Variants in RNF150 observed in about 807,000 individuals in gnomAD.
RNF150 encodes ring finger protein 150.
A neutral mutation model predicts 39.3 loss-of-function variants in RNF150; 24 were observed. That is an observed-to-expected ratio of 0.61 (90% CI 0.44 to 0.86). The LOEUF (loss-of-function observed/expected upper bound fraction) is 0.86. Ranked by LOEUF, RNF150 falls within the 40% of genes least tolerant of loss-of-function variation. The pLI, the probability that RNF150 is intolerant of heterozygous loss-of-function variation, is 0.00. For synonymous variants in RNF150, 255 were observed against 227.3 expected (o/e 1.12, Z -1.10); for missense variants, 502 against 587.8 (o/e 0.85, Z 1.51).
chr4:141,074,552 A>G (rs1737823946), intron 1 of RNF150, among the ~76,000 whole-genome samples: 1 of 152,144 alleles, frequency 6.6e-6, no homozygotes, highest in African/African-American at 2.4e-5. Flanking sequence ...TACCACCCCT[A>G]GAGGACTAGA....
At chr4:140,933,964 T>C (rs1731743353) in intron 4 of RNF150, among the ~76,000 whole-genome samples, 1 of 152,186 alleles carries the variant, frequency 6.6e-6, no homozygotes, top group African/African-American at 2.4e-5. Flanking sequence ...TCTGAAATGG[T>C]TGGGCCAATT....
chr4:140,884,870 C>T (rs1210590105), intron 6 of RNF150, among the ~76,000 whole-genome samples: 1 of 152,124 alleles, frequency 6.6e-6, no homozygotes, highest in Non-Finnish European at 1.5e-5. Flanking sequence ...TCTCCAATGG[C>T]ACCATGCTAT....
chr4:141,171,809 C>T (rs1727730678), intron 1 of RNF150, among the ~76,000 whole-genome samples: 1 of 152,146 alleles, frequency 6.6e-6, no homozygotes, highest in Admixed American at 6.6e-5. Flanking sequence ...TTCCTCCCTT[C>T]CCATATTTTG....
chr4:141,098,153 A>T (rs183702009), intron 1 of RNF150, among the ~76,000 whole-genome samples: 106 of 152,368 alleles, frequency 7.0e-4, no homozygotes, highest in Admixed American at 1.2e-3. Context: ...CTCCCAAAGA[A>T]TAATGTTCTA....
At chr4:141,168,648 C>T (rs932843721) in intron 1 of RNF150, among the ~76,000 whole-genome samples, 3 of 152,128 alleles carry the variant, frequency 2.0e-5, no homozygotes, top group Non-Finnish European at 4.4e-5. Context: ...TTTGCAGGTA[C>T]ATGGATGAGG....
rs553055558 is a variant in RNF150 at position 141,112,568 on chromosome 4, GT to G, written c.484+19756del. 5.9e-5 allele frequency among the ~76,000 whole-genome samples: 9 copies of G among 152,214 alleles called. No individual in the cohort carries two copies. In the East Asian group the frequency reaches 1.7e-3, roughly 29 times the overall value. ...GAATATTGGCCCCCACTCTCTTCTG[GT>G]TGTAGGGTTTCTGCAGAGAGAGCTG... On this transcript the variant is annotated intron_variant, in intron 1 of 6. Transcript: ENST00000515673.
chr4:141,157,766 G>A (rs1277954663), intron 1 of RNF150, among the ~76,000 whole-genome samples: 1 of 152,160 alleles, frequency 6.6e-6, no homozygotes, highest in African/African-American at 2.4e-5. Flanking sequence ...AAACAAGACT[G>A]CCACATATAG....
chr4:140,872,191 G>A (rs1728974182), intron 6 of RNF150, among the ~76,000 whole-genome samples: 1 of 152,172 alleles, frequency 6.6e-6, no homozygotes, highest in East Asian at 1.9e-4. Context: ...TATTTAGAAG[G>A]TTTTCTGTAG....
At chr4:141,205,726 T>C (rs9884463) in intron 1 of RNF150, among the ~76,000 whole-genome samples, 34,005 of 152,136 alleles carry the variant, frequency 0.22, 4,051 homozygotes, top group South Asian at 0.32. Flanking sequence ...CAGAATAATC[T>C]CTTAGTTTCT....
intron 1 of RNF150, among the ~76,000 whole-genome samples, chr4:141,120,526 G>A (rs1726572888): frequency 6.6e-6 from 1 of 152,176 alleles, no homozygotes; most frequent in Non-Finnish European, 1.5e-5. Context: ...AAAAAATAAT[G>A]AGTTGGTTAA....
intron 2 of RNF150, among the ~76,000 whole-genome samples, chr4:140,961,470 T>G (rs1733022547): frequency 1.3e-5 from 2 of 152,152 alleles, no homozygotes; most frequent in South Asian, 4.1e-4. Flanking sequence ...CATTTCAGGC[T>G]GTGAGCCTTC....
chr4:140,974,905 G>A lies in RNF150; in HGVS notation c.485-7032C>T, dbSNP rs368595953. 2.4e-4 allele frequency among the ~76,000 whole-genome samples: 37 copies of A among 152,170 alleles called. No individual in the cohort carries two copies. The South Asian group carries it at 7.7e-3, about 32-fold the overall frequency. On this transcript the variant is annotated intron_variant, in intron 1 of 6. Transcript: ENST00000515673. The stretch of plus-strand genomic sequence containing the variant: ...AACTGCATGGGTCCGCTAATACATG[G>A]ATTTTTTTCAATGATATAATTGGCC...
chr4:140,895,990 T>A (rs926809353), intron 6 of RNF150, among the ~76,000 whole-genome samples: 12 of 141,816 alleles, frequency 8.5e-5, no homozygotes, highest in African/African-American at 3.2e-4. Flanking sequence ...CTATGAGATA[T>A]CATCTCACAC....
chr4:140,916,800 A>G (rs1330337715), intron 5 of RNF150, among the ~76,000 whole-genome samples: 1 of 152,172 alleles, frequency 6.6e-6, no homozygotes, highest in African/African-American at 2.4e-5. Flanking sequence ...GAGAAAGGTC[A>G]GGTTACCCAC....
At chr4:141,201,680 C>T (rs1466392075) in intron 1 of RNF150, among the ~76,000 whole-genome samples, 1 of 152,172 alleles carries the variant, frequency 6.6e-6, no homozygotes, top group Non-Finnish European at 1.5e-5. Flanking sequence ...AGGGACTCCA[C>T]TTCACCAAGA....
chr4:141,174,553 C>G (rs140291858), intron 1 of RNF150, among the ~76,000 whole-genome samples: 138 of 152,236 alleles, frequency 9.1e-4, no homozygotes, highest in African/African-American at 3.2e-3. Flanking sequence ...GTTGACTTGG[C>G]AGAAGTAGTT....
intron 1 of RNF150, among the ~76,000 whole-genome samples, chr4:141,113,924 G>A (rs546655699): frequency 1.3e-5 from 2 of 151,510 alleles, no homozygotes; most frequent in Non-Finnish European, 1.5e-5. Context: ...TGACTACTGG[G>A]TAAATAGGCA....
In RNF150 at chr4:141,006,762, A is replaced by C. The variant is rs55817741; in HGVS notation, c.485-38889T>G. On this transcript the variant is annotated intron_variant, in intron 1 of 6. Transcript: ENST00000515673. ...ATATTAAGAACTGTTTTGGATATTAACAGATCTCTTTTTATCTACTTGCAG... is the reference window on the plus strand; with the variant it reads ...ATATTAAGAACTGTTTTGGATATTACCAGATCTCTTTTTATCTACTTGCAG... Among the ~76,000 whole-genome samples, 488 of 152,300 alleles carry C rather than the reference A, an allele frequency of 3.2e-3. 2 individuals carry two copies. The highest frequency in any genetic ancestry group is 0.011 in the African/African-American group (470 of 41,562).
At chr4:141,194,843 A>C (rs1728171260) in intron 1 of RNF150, among the ~76,000 whole-genome samples, 1 of 152,170 alleles carries the variant, frequency 6.6e-6, no homozygotes, top group African/African-American at 2.4e-5. Context: ...TAACTCTGCT[A>C]CTTACTTCAT....
Sources: gnomAD v4.1 joint callset for allele counts (sites outside exome capture counted in the v4.1 genomes callset) on GRCh38, gnomAD v4.1.1 for gene constraint, MANE v1.5 for transcripts, NCBI Gene and HGNC (gene_info 2026-07-23, HGNC 2026-07-21) for gene names.